The following ZNF888 variants were observed in gnomAD, a reference collection of about 807,000 sequenced individuals.
The protein encoded by ZNF888 is CTD-2331H12.6.
Under a neutral mutation model 7.2 loss-of-function variants are expected in ZNF888, and 5 were observed. The observed-to-expected ratio is 0.70, with a 90% CI of 0.36 to 1.46. ZNF888 has a LOEUF of 1.46. Among genes scored for constraint, ZNF888 ranks in the 40% most tolerant of loss-of-function variants. The pLI, the probability that ZNF888 is intolerant of heterozygous loss-of-function variation, is 0.03. For synonymous variants in ZNF888, 240 were observed against 284.3 expected, an observed-to-expected ratio of 0.84 and a Z score of 1.57; for missense variants, 716 against 858.0, an observed-to-expected ratio of 0.83 and a Z score of 2.07.
At chr19:52,918,210 C>A in intron 2 of ZNF888, 1 of 985,442 alleles carries the variant, frequency 1.0e-6, no homozygotes, top group South Asian at 4.7e-5. Flanking sequence ...CTTGCAGAGG[C>A]TGGGTGCGGT....
rs1209653725 is a variant in ZNF888 at position 52,906,867 on chromosome 19, C to G, written c.1455G>C (p.Arg485Ser). The G allele has an allele frequency of 5.6e-6, 9 of 1,611,260 alleles. No individual in the cohort carries two copies. The highest frequency in any genetic ancestry group is 6.8e-6 in the Non-Finnish European group (8 of 1,179,428). ...FSRKSHLERH[R>S]RIHTGEKPYK... ...ATGGTTTCTCACCAGTGTGAATTCTCCTATGTCTTTCAAGGTGTGATTTGC... is the reference window on the plus strand; with the variant it reads ...ATGGTTTCTCACCAGTGTGAATTCTGCTATGTCTTTCAAGGTGTGATTTGC... Residue 485 changes from arginine to serine, a missense_variant, in exon 5 of 5, where the codon AGG becomes AGC. By Grantham distance (110) the Arg-to-Ser change is moderately radical. This residue lies in a region of ZNF888 where 697 missense variants were observed against 803.4 expected (regional missense o/e 0.87). Coordinates refer to ENST00000638862, the MANE Select transcript of ZNF888 (RefSeq NM_001393938.1).
intron 4 of ZNF888, chr19:52,914,276 T>A (rs2064718683): frequency 1.1e-6 from 1 of 891,330 alleles, no homozygotes; most frequent in African/African-American, 1.8e-5. Flanking sequence ...ACTCTGCCCA[T>A]CTGAGCTCTT....
chr19:52,907,082 C>T lies in ZNF888; in HGVS notation c.1240G>A (p.Glu414Lys), dbSNP rs2064619074. 7 of 1,611,820 alleles carry T rather than the reference C, an allele frequency of 4.3e-6. No homozygotes were observed. Among genetic ancestry groups the T allele is most frequent in the Non-Finnish European group, 5.1e-6 (6 of 1,179,510 alleles). The part of the protein sequence containing the change: ...HTREKPYKCN[E>K]CGKTFGENSA... Reference sequence around the variant, plus strand: ...TTTTCACCAAACGTTTTGCCACACTCATTACACTTGTAAGGTTTCTCTCTA... The same window carrying T: ...TTTTCACCAAACGTTTTGCCACACTTATTACACTTGTAAGGTTTCTCTCTA... The change falls in exon 5 of 5, where the codon GAG becomes AAG. Residue 414 changes from glutamate to lysine, a missense_variant. Glu to Lys is a moderately conservative substitution (Grantham distance 56). Coordinates refer to ENST00000638862, the MANE Select transcript of ZNF888 (RefSeq NM_001393938.1).
intron 4 of ZNF888, 70 bp from the exon 5 acceptor site, chr19:52,908,249 A>G: frequency 7.0e-7 from 1 of 1,421,046 alleles, no homozygotes. Context: ...ACGTGTAAAT[A>G]TGACACCAAA....
chr19:52,922,634 G>A (rs576766215), intron 1 of ZNF888, among the ~76,000 whole-genome samples: 12 of 151,972 alleles, frequency 7.9e-5, no homozygotes, highest in African/African-American at 2.9e-4. Context: ...ATCTGTTATG[G>A]GTCTTTCTCC....
At position 52,905,499 on chromosome 19, in the gene ZNF888, G is replaced by A. The variant is rs1265644036; in HGVS notation, c.*666C>T. 1.8e-5 allele frequency: 3 copies of A among 164,304 alleles called. No individual in the cohort carries two copies. The highest frequency in any genetic ancestry group is 1.8e-4 in the Admixed American group (3 of 16,604). 10.2% of individuals were successfully genotyped at this position (164,304 alleles called of 1,614,324 possible). A position where few individuals can be genotyped will look rare whatever the true frequency, so the allele number is the denominator to read the frequency against. On this transcript the variant is annotated 3_prime_UTR_variant, in exon 5 of 5. Transcript: ENST00000638862. ...GTTAAAGAAACAAAAAACAGGCTGGGAAAAGTGGCTCACGCCTGTTGGCCA... is the reference window on the plus strand; with the variant it reads ...GTTAAAGAAACAAAAAACAGGCTGGAAAAAGTGGCTCACGCCTGTTGGCCA...
chr19:52,922,462 G>T (rs888069712), intron 1 of ZNF888, among the ~76,000 whole-genome samples: 1 of 151,920 alleles, frequency 6.6e-6, no homozygotes, highest in Non-Finnish European at 1.5e-5. Flanking sequence ...GAGCCTTTCT[G>T]TTTGCTGCCC....
chr19:52,911,032 C>T (rs527863960), intron 4 of ZNF888, among the ~76,000 whole-genome samples: 1 of 152,158 alleles, frequency 6.6e-6, no homozygotes, highest in Admixed American at 6.5e-5. Context: ...GTGCACAGCA[C>T]CATGAACAGC....
intron 4 of ZNF888, among the ~76,000 whole-genome samples, chr19:52,914,084 C>G (rs563932096): frequency 6.6e-6 from 1 of 152,262 alleles, no homozygotes; most frequent in African/African-American, 2.4e-5. Flanking sequence ...AAAATTGCAC[C>G]ACTGCACTGT....
chr19:52,920,517 GAAAA>G lies in ZNF888; in HGVS notation c.-177-1584_-177-1581del, dbSNP rs1568423836. Among the ~76,000 whole-genome samples the G allele has an allele frequency of 3.1e-3, 54 of 17,416 alleles. 6 individuals are homozygous for G. The highest frequency in any genetic ancestry group is 0.012 in the African/African-American group (47 of 3,834). The allele number at this position is 17,416 out of a possible 152,430, so 11.4% of individuals were successfully genotyped here. A position where few individuals can be genotyped will look rare whatever the true frequency, so the allele number is the denominator to read the frequency against. The stretch of plus-strand genomic sequence containing the variant: ...AAAAAAAAAAAAAAAAAAAAAAAAA[GAAAA>G]AAAAAGAAAAGGAAAAAAAAAAAAA... On this transcript the variant is annotated intron_variant, in intron 1 of 4. Transcript: ENST00000638862.
At chr19:52,918,251 A>G (rs933221035) in intron 2 of ZNF888, 3 of 970,680 alleles carry the variant, frequency 3.1e-6, no homozygotes, top group South Asian at 4.8e-5. Context: ...GCACTCTCGG[A>G]GACCAAGGTA....
intron 1 of ZNF888, among the ~76,000 whole-genome samples, chr19:52,920,534 A>G (rs1474412994): frequency 1.3e-3 from 29 of 23,056 alleles, no homozygotes; most frequent in Non-Finnish European, 1.7e-3. Flanking sequence ...AAAGAAAAGG[A>G]AAAAAAAAAA....
intron 3 of ZNF888, among the ~76,000 whole-genome samples, chr19:52,917,040 C>T (rs559874886): frequency 3.3e-5 from 5 of 152,152 alleles, no homozygotes; most frequent in East Asian, 3.8e-4. Flanking sequence ...GCCTGTTTCA[C>T]GAGCCTCTCC....
In ZNF888 at chr19:52,906,569, T is replaced by C; in HGVS notation, c.1753A>G (p.Lys585Glu). The change falls in exon 5 of 5, where the codon AAG becomes GAG. Residue 585 changes from lysine (K) to glutamate (E), a missense_variant. By Grantham distance (56) the Lys-to-Glu change is moderately conservative. Transcript: ENST00000638862. The stretch of plus-strand genomic sequence containing the variant: ...AGTTGTGACTGTGTCCTAAAAACCT[T>C]GCCACATTCATTACACTTGTAAGGT... The part of the protein sequence containing the change: ...EKPYKCNECG[K>E]VFRTQSQLAC... 1.9e-6 allele frequency: 3 copies of C among 1,613,996 alleles called. No individual in the cohort carries two copies. The highest frequency in any genetic ancestry group is 2.5e-6 in the Non-Finnish European group (3 of 1,179,908).
intron 3 of ZNF888, chr19:52,917,546 A>G: frequency 1.7e-6 from 1 of 578,858 alleles, no homozygotes; most frequent in South Asian, 1.6e-5. Context: ...CTGACAGTGC[A>G]TCCAGATGCG....
At chr19:52,909,092 C>T (rs2064645880) in intron 4 of ZNF888, among the ~76,000 whole-genome samples, 1 of 151,400 alleles carries the variant, frequency 6.6e-6, no homozygotes, top group African/African-American at 2.4e-5. Flanking sequence ...TAGTGGTAAA[C>T]TGAGATCGCA....
chr19:52,923,228 C>T, intron 1 of ZNF888, 141 bp downstream of exon 1: 1 of 929,588 alleles, frequency 1.1e-6, no homozygotes, highest in Non-Finnish European at 1.3e-6. Context: ...GACTTCCGGA[C>T]TCCTAGGGGA....
At chr19:52,915,453 C>G in intron 3 of ZNF888, 131 bp from the exon 4 acceptor site, 1 of 1,591,818 alleles carries the variant, frequency 6.3e-7, no homozygotes, top group Non-Finnish European at 8.5e-7. Context: ...GTAAGGGATT[C>G]TTCACCACAT....
Position 52,906,331 on chromosome 19 carries a change from C to T in ZNF888, c.1991G>A (p.Cys664Tyr). 1 of 1,613,782 alleles carries T rather than the reference C, an allele frequency of 6.2e-7. No individual in the cohort carries two copies. Among genetic ancestry groups the T allele is most frequent in the Non-Finnish European group, 8.5e-7 (1 of 1,179,850 alleles). The change falls in exon 5 of 5, where the codon TGT becomes TAT. Residue 664 changes from cysteine to tyrosine, a missense_variant. Cys to Tyr is a radical substitution (Grantham distance 194). This residue lies in a region of ZNF888 where 697 missense variants were observed against 803.4 expected (regional missense o/e 0.87). Transcript: ENST00000638862. ...RVHTGEKPYK[C>Y]KVCDKAFKCY... ...CTTGAAAGCCTTGTCACAAACCTTA[C>T]ATTTGTATGGTTTCTCTCCAGTGTG...
Sources: gnomAD v4.1 joint callset for allele counts (sites outside exome capture counted in the v4.1 genomes callset) on GRCh38, gnomAD v4.1.1 for gene constraint, gnomAD v4.1.1 regional missense constraint, MANE v1.5 for transcripts, NCBI Gene and HGNC (gene_info 2026-07-23, HGNC 2026-07-21) for gene names.